Variants in OR2L13 observed in about 807,000 individuals in gnomAD.
The protein encoded by OR2L13 is olfactory receptor 2L13.
In OR2L13, 14 loss-of-function variants were observed where a neutral mutation model predicts 15.3. That is an observed-to-expected ratio of 0.91 (90% CI 0.60 to 1.43). The LOEUF (loss-of-function observed/expected upper bound fraction) is 1.43, where lower values mean the gene tolerates loss of function less well. Ranked by LOEUF, OR2L13 falls within the 40% of genes most tolerant of loss-of-function variation. OR2L13 has a pLI of 0.00. For synonymous variants in OR2L13, 152 were observed against 142.9 expected (o/e 1.06, Z -0.45); for missense variants, 367 against 387.9 (o/e 0.95, Z 0.45).
chr1:247,985,378 G>T, the OR2L13 span, among the ~76,000 whole-genome samples: 1 of 151,552 alleles, frequency 6.6e-6, no homozygotes, highest in East Asian at 1.9e-4. Flanking sequence ...TTTTGTCCTT[G>T]CAATAGTTTG....
chr1:248,030,561 A>T, the OR2L13 span, among the ~76,000 whole-genome samples: 1 of 152,196 alleles, frequency 6.6e-6, no homozygotes, highest in Non-Finnish European at 1.5e-5. Flanking sequence ...TAATTATTGT[A>T]AGGGGTAACA....
the OR2L13 span, among the ~76,000 whole-genome samples, chr1:247,954,893 T>C: frequency 2.0e-5 from 3 of 152,126 alleles, no homozygotes; most frequent in Non-Finnish European, 2.9e-5. Context: ...CTTCTATTTC[T>C]GACAGTATGT....
chr1:247,988,978 T>C, the OR2L13 span, among the ~76,000 whole-genome samples: 2 of 152,018 alleles, frequency 1.3e-5, no homozygotes, highest in Non-Finnish European at 2.9e-5. Context: ...AATCTAAGCA[T>C]TAGGGGAGCA....
At chr1:247,960,073 A>G in the OR2L13 span, among the ~76,000 whole-genome samples, 1 of 152,060 alleles carries the variant, frequency 6.6e-6, no homozygotes, top group Non-Finnish European at 1.5e-5. Context: ...TTGTGGTTTT[A>G]TCTACCTTTG....
the OR2L13 span, among the ~76,000 whole-genome samples, chr1:248,065,773 G>A: frequency 2.6e-5 from 4 of 152,022 alleles, no homozygotes; most frequent in Non-Finnish European, 5.9e-5. Flanking sequence ...TGGGTAGAGT[G>A]AAGGAGTGAA....
the OR2L13 span, among the ~76,000 whole-genome samples, chr1:247,976,302 A>C: frequency 6.6e-6 from 1 of 152,184 alleles, no homozygotes; most frequent in East Asian, 1.9e-4. Context: ...TTCTCATACA[A>C]GACATTCTGC....
the OR2L13 span, among the ~76,000 whole-genome samples, chr1:248,078,533 G>A: frequency 1.3e-5 from 2 of 151,806 alleles, no homozygotes; most frequent in Non-Finnish European, 2.9e-5. Context: ...AAAAAAAGGG[G>A]CAGTATTTTA....
the OR2L13 span, chr1:248,022,968 T>C: frequency 8.1e-7 from 1 of 1,241,600 alleles, no homozygotes; most frequent in African/African-American, 1.5e-5. Context: ...CATTATTACA[T>C]GCCCAGTATG....
At chr1:247,948,332 G>T in the OR2L13 span, among the ~76,000 whole-genome samples, 7 of 152,146 alleles carry the variant, frequency 4.6e-5, no homozygotes, top group Admixed American at 6.5e-5. Flanking sequence ...CTATGCATAG[G>T]TATTCAGTAT....
At chr1:248,026,977 G>T in the OR2L13 span, among the ~76,000 whole-genome samples, 1 of 152,184 alleles carries the variant, frequency 6.6e-6, no homozygotes, top group African/African-American at 2.4e-5. Flanking sequence ...CAATGTTCAG[G>T]GAACAAGGGA....
At chr1:248,045,289 A>G in the OR2L13 span, among the ~76,000 whole-genome samples, 9 of 152,146 alleles carry the variant, frequency 5.9e-5, no homozygotes, top group Non-Finnish European at 1.3e-4. Context: ...CCAAGTTTTG[A>G]CCTACTCTAT....
chr1:248,058,490 T>C, the OR2L13 span, among the ~76,000 whole-genome samples: 1 of 152,150 alleles, frequency 6.6e-6, no homozygotes, highest in Non-Finnish European at 1.5e-5. Flanking sequence ...ATGGAATTTA[T>C]TGCTACAATA....
the OR2L13 span, among the ~76,000 whole-genome samples, chr1:247,944,671 G>A: frequency 6.6e-6 from 1 of 152,128 alleles, no homozygotes; most frequent in East Asian, 1.9e-4. Flanking sequence ...GTATTCCATG[G>A]TGTATACGTA....
At chr1:248,024,120 T>C in the OR2L13 span, 1 of 152,168 alleles carries the variant, frequency 6.6e-6, no homozygotes, top group Non-Finnish European at 1.5e-5. Flanking sequence ...CAGGTATACA[T>C]GTGCCGTTGT....
At chr1:248,041,217 T>C in the OR2L13 span, 1 of 152,098 alleles carries the variant, frequency 6.6e-6, no homozygotes, top group Non-Finnish European at 1.5e-5. Context: ...TATCTACAAC[T>C]ATCTGATCTT....
chr1:248,026,710 C>A, the OR2L13 span, among the ~76,000 whole-genome samples: 1 of 152,126 alleles, frequency 6.6e-6, no homozygotes. Flanking sequence ...ATTTCTTACC[C>A]CTGTCTTTAC....
chr1:247,959,488 C>T, the OR2L13 span, among the ~76,000 whole-genome samples: 3 of 151,990 alleles, frequency 2.0e-5, no homozygotes, highest in Non-Finnish European at 4.4e-5. Context: ...GAATGTTGGC[C>T]TGCCTTGCTA....
the OR2L13 span, among the ~76,000 whole-genome samples, chr1:247,983,768 C>T: frequency 7.2e-5 from 11 of 152,210 alleles, no homozygotes; most frequent in African/African-American, 1.9e-4. Flanking sequence ...CTGCCACTCA[C>T]GACTTGCAAA....
chr1:248,013,486 TCC>T, the OR2L13 span, among the ~76,000 whole-genome samples: 1 of 152,028 alleles, frequency 6.6e-6, no homozygotes, highest in Non-Finnish European at 1.5e-5. Context: ...CAGTGGACAA[TCC>T]CCAGTGAATA....
Sources: gnomAD v4.1 joint callset for allele counts (sites outside exome capture counted in the v4.1 genomes callset) on GRCh38, gnomAD v4.1.1 for gene constraint, MANE v1.5 for transcripts, NCBI Gene and HGNC (gene_info 2026-07-23, HGNC 2026-07-21) for gene names.